Variants in CAMTA1 observed in about 807,000 individuals in gnomAD.
CAMTA1 encodes calmodulin-binding transcription activator 1.
CAMTA1 carries 27 observed loss-of-function variants against 170.9 expected under a neutral mutation model. That is an observed-to-expected ratio of 0.16 (90% CI 0.12 to 0.22). CAMTA1 has a LOEUF of 0.22. CAMTA1 is among the 10% of genes least tolerant of loss of function. The probability of loss-of-function intolerance (pLI) is 1.00; values close to 1 mark genes in which losing one functional copy is unlikely to be tolerated. For missense variants in CAMTA1, 1,619 were observed against 2,217.2 expected (o/e 0.73, Z 5.42); for synonymous variants, 833 against 891.5 (o/e 0.93, Z 1.17).
At chr1:7,011,169 G>A (rs2100778467) in intron 3 of CAMTA1, among the ~76,000 whole-genome samples, 1 of 152,318 alleles carries the variant, frequency 6.6e-6, no homozygotes, top group South Asian at 2.1e-4. Context: ...GTTGAAGGGT[G>A]ATTCAGTGTT....
rs144065705 is a variant in CAMTA1, at chr1:7,231,651, G to A, written c.303-17840G>A. ...GCCTCCCAAAATGCTGGGATTATAG[G>A]TGTAAGACACTGCACCCGGCCGAGA... On this transcript the variant is annotated intron_variant, in intron 4 of 22. Coordinates refer to ENST00000303635, the MANE Select transcript of CAMTA1 (RefSeq NM_015215.4). Among the ~76,000 whole-genome samples, 581 of 152,252 alleles carry A rather than the reference G, an allele frequency of 3.8e-3. 5 individuals are homozygous for A. Among genetic ancestry groups the A allele is most frequent in the African/African-American group, 0.013 (548 of 41,546 alleles).
At chr1:7,574,037 G>A (rs2095158874) in intron 6 of CAMTA1, among the ~76,000 whole-genome samples, 1 of 124,790 alleles carries the variant, frequency 8.0e-6, no homozygotes, top group Non-Finnish European at 1.5e-5. Context: ...GCCTCCCAAG[G>A]TGTGAAGATT....
chr1:7,104,087 AAC>A (rs543553439), intron 4 of CAMTA1, among the ~76,000 whole-genome samples: 220 of 148,922 alleles, frequency 1.5e-3, no homozygotes, highest in African/African-American at 4.7e-3. Flanking sequence ...ATGTACACAC[AAC>A]ACACATACAC....
chr1:7,139,511 C>A (rs958405610), intron 4 of CAMTA1, among the ~76,000 whole-genome samples: 1 of 151,986 alleles, frequency 6.6e-6, no homozygotes, highest in East Asian at 1.9e-4. Flanking sequence ...ATTAAGCTCG[C>A]AGTTTAAGAG....
intron 5 of CAMTA1, among the ~76,000 whole-genome samples, chr1:7,342,076 GC>G (rs2083874921): frequency 6.6e-6 from 1 of 152,228 alleles, no homozygotes; most frequent in Non-Finnish European, 1.5e-5. Flanking sequence ...TTTTACAAAT[GC>G]AGAAACTGAG....
chr1:7,572,674 T>A (rs148916753), intron 6 of CAMTA1, among the ~76,000 whole-genome samples: 2 of 152,326 alleles, frequency 1.3e-5, no homozygotes, highest in East Asian at 3.9e-4. Flanking sequence ...CCCATTCATG[T>A]GAGCTCCATC....
In CAMTA1 at chr1:7,614,354, C is replaced by G. The variant is rs150775403; in HGVS notation, c.511-26046C>G. 6.6e-3 allele frequency among the ~76,000 whole-genome samples: 1,004 copies of G among 152,160 alleles called. 3 individuals are homozygous for G. The highest frequency in any genetic ancestry group is 0.011 in the Non-Finnish European group (743 of 68,008). The stretch of plus-strand genomic sequence containing the variant: ...CTCAGCCACCTATTTATGTCCATCT[C>G]CTGCTCACACAAAACCAGATTCCAG... On this transcript the variant is annotated intron_variant, in intron 6 of 22. Coordinates refer to ENST00000303635, the MANE Select transcript of CAMTA1 (RefSeq NM_015215.4).
chr1:6,879,356 G>C (rs975203097), intron 3 of CAMTA1, among the ~76,000 whole-genome samples: 16 of 152,228 alleles, frequency 1.1e-4, no homozygotes, highest in African/African-American at 3.1e-4. Context: ...GAAGACTTCA[G>C]GTATTTGATG....
chr1:7,655,561 C>A (rs1450722320), intron 7 of CAMTA1, among the ~76,000 whole-genome samples: 1 of 150,492 alleles, frequency 6.6e-6, no homozygotes, highest in Non-Finnish European at 1.5e-5. Flanking sequence ...CCTATACACA[C>A]AAACACACCC....
At chr1:7,172,659 G>A (rs559558738) in intron 4 of CAMTA1, among the ~76,000 whole-genome samples, 23 of 152,272 alleles carry the variant, frequency 1.5e-4, no homozygotes, top group African/African-American at 4.8e-4. Context: ...TTTAAACAAC[G>A]GTCTCACTGG....
At chr1:7,655,193 C>A (rs2095882855) in intron 7 of CAMTA1, among the ~76,000 whole-genome samples, 1 of 146,952 alleles carries the variant, frequency 6.8e-6, no homozygotes, top group African/African-American at 2.5e-5. Flanking sequence ...CACAAACACA[C>A]ACCCCTATAC....
In CAMTA1 at chr1:7,225,996, G is replaced by A. The variant is rs181082535; in HGVS notation, c.303-23495G>A. Among the ~76,000 whole-genome samples, 57 of 152,302 alleles carry A rather than the reference G, an allele frequency of 3.7e-4. 1 individual carries two copies. Among genetic ancestry groups the A allele is most frequent in the South Asian group, 1.5e-3 (7 of 4,820 alleles). On this transcript the variant is annotated intron_variant, in intron 4 of 22. Coordinates refer to ENST00000303635, the MANE Select transcript of CAMTA1 (RefSeq NM_015215.4). Reference sequence around the variant, plus strand: ...GATGGCAGATGTGGGATGGCCTGGCGTGTTCAGCCCAGTGCCTGTCCACAG... The same window carrying A: ...GATGGCAGATGTGGGATGGCCTGGCATGTTCAGCCCAGTGCCTGTCCACAG...
At chr1:7,568,308 C>CATCACCATCACCAG (rs2095070709) in intron 6 of CAMTA1, among the ~76,000 whole-genome samples, 2 of 151,170 alleles carry the variant, frequency 1.3e-5, no homozygotes, top group African/African-American at 4.9e-5. Flanking sequence ...ACCATCACCA[C>CATCACCATCACCAG]CACCATCCCT....
chr1:7,664,991 C>T lies in CAMTA1; in HGVS notation c.2444C>T (p.Thr815Ile). Residue 815 changes from threonine (T) to isoleucine (I), a missense_variant, in exon 9 of 23, where the codon ACC becomes ATC. This residue lies in a region of CAMTA1 where 731 missense variants were observed against 907.6 expected (regional missense o/e 0.81). Coordinates refer to ENST00000303635, the MANE Select transcript of CAMTA1 (RefSeq NM_015215.4). ...GAGGACGGGGCGCGGGCCCCCTTCA[C>T]CCAGGCAGAGATGTGCCTCCCCTGC... ...QSEDGARAPF[T>I]QAEMCLPCCS... The T allele has an allele frequency of 6.2e-7, 1 of 1,607,358 alleles. No homozygotes were observed. The highest frequency in any genetic ancestry group is 1.1e-5 in the South Asian group (1 of 90,014).
chr1:7,680,591 C>G lies in CAMTA1; in HGVS notation c.2914+2858C>G, dbSNP rs2096183186. Among the ~76,000 whole-genome samples, 1 of 151,930 alleles carries G rather than the reference C, an allele frequency of 6.6e-6. No homozygotes were observed. The highest frequency in any genetic ancestry group is 6.6e-5 in the Admixed American group (1 of 15,264). On this transcript the variant is annotated intron_variant, in intron 11 of 22. Transcript: ENST00000303635. This position sits in a 1 kb window ranked among gnomAD's most constrained non-coding sequence, Gnocchi z 4.4. Reference sequence around the variant, plus strand: ...GACCGCGGGACTAGGAAGGCCTGAGCCCGGCCACCCGCCTCCGAGTGCGCC... The same window carrying G: ...GACCGCGGGACTAGGAAGGCCTGAGGCCGGCCACCCGCCTCCGAGTGCGCC...
chr1:7,509,682 AG>A (rs1309521405), intron 6 of CAMTA1, among the ~76,000 whole-genome samples: 2 of 152,168 alleles, frequency 1.3e-5, no homozygotes, highest in Non-Finnish European at 2.9e-5. Flanking sequence ...AAACGTACTG[AG>A]GCCTGAGGCT....
At chr1:7,412,445 G>A (rs1267806838) in intron 5 of CAMTA1, among the ~76,000 whole-genome samples, 5 of 151,798 alleles carry the variant, frequency 3.3e-5, no homozygotes, top group South Asian at 2.1e-4. Flanking sequence ...TTTAATGATC[G>A]CCATTCTAAC....
At chr1:7,563,798 A>G (rs2094995566) in intron 6 of CAMTA1, among the ~76,000 whole-genome samples, 2 of 152,332 alleles carry the variant, frequency 1.3e-5, no homozygotes, top group South Asian at 4.1e-4. Flanking sequence ...TCCTGCATTT[A>G]CCCAGCAAAT....
At chr1:6,884,538 A>T (rs944951364) in intron 3 of CAMTA1, among the ~76,000 whole-genome samples, 1 of 152,136 alleles carries the variant, frequency 6.6e-6, no homozygotes, top group African/African-American at 2.4e-5. Flanking sequence ...AGGTTAATGG[A>T]TGCCCCAATT....
Sources: gnomAD v4.1 joint callset for allele counts (sites outside exome capture counted in the v4.1 genomes callset) on GRCh38, gnomAD v4.1.1 for gene constraint, gnomAD v4.1.1 regional missense constraint, Gnocchi (gnomAD v3.1) non-coding constraint, MANE v1.5 for transcripts, NCBI Gene and HGNC (gene_info 2026-07-23, HGNC 2026-07-21) for gene names.